TTLL1: variants seen among roughly 807,000 people sequenced by gnomAD.
The protein encoded by TTLL1 is polyglutamylase complex subunit TTLL1.
A neutral mutation model predicts 47.8 loss-of-function variants in TTLL1; 33 were observed. That is an observed-to-expected ratio of 0.69 (90% CI 0.52 to 0.92). The LOEUF is 0.92. Among genes scored for constraint, TTLL1 ranks in the 40% least tolerant of loss-of-function variants. The probability of loss-of-function intolerance (pLI) is 0.00; values close to 1 mark genes in which losing one functional copy is unlikely to be tolerated. For synonymous variants in TTLL1, 225 were observed against 214.1 expected (o/e 1.05, Z -0.45); for missense variants, 488 against 547.5 (o/e 0.89, Z 1.08).
chr22:43,044,615 T>G (rs1925956190), intron 10 of TTLL1, among the ~76,000 whole-genome samples: 1 of 152,162 alleles, frequency 6.6e-6, no homozygotes, highest in South Asian at 2.1e-4. Context: ...TCCTCCGCCT[T>G]TTACTGCCGT....
chr22:43,084,591 T>C (rs1929109524), intron 1 of TTLL1, among the ~76,000 whole-genome samples: 1 of 152,006 alleles, frequency 6.6e-6, no homozygotes, highest in South Asian at 2.1e-4. Context: ...AAGCTCTGCC[T>C]CCTGGGCTCA....
chr22:43,075,063 C>CTTAG (rs1222932449), intron 3 of TTLL1, among the ~76,000 whole-genome samples: 2 of 151,934 alleles, frequency 1.3e-5, no homozygotes, highest in Non-Finnish European at 2.9e-5. Flanking sequence ...TACTTGGGAG[C>CTTAG]CTAAGGCAGG....
intron 10 of TTLL1, among the ~76,000 whole-genome samples, chr22:43,045,979 G>A (rs745453208): frequency 9.9e-5 from 15 of 152,144 alleles, no homozygotes; most frequent in Non-Finnish European, 1.8e-4. Flanking sequence ...TCAGCACTTT[G>A]GGAGGCCGAG....
intron 8 of TTLL1, among the ~76,000 whole-genome samples, chr22:43,053,355 G>A (rs1926778254): frequency 6.6e-6 from 1 of 152,218 alleles, no homozygotes. Flanking sequence ...AGAAAGGGAG[G>A]CTCTTGGCTG....
intron 9 of TTLL1, among the ~76,000 whole-genome samples, chr22:43,049,545 C>G (rs1442247540): frequency 7.1e-6 from 1 of 141,344 alleles, no homozygotes; most frequent in African/African-American, 2.7e-5. Context: ...ACCAAACAAA[C>G]AAAAAACACA....
At chr22:43,052,171 T>A (rs1199393650) in intron 8 of TTLL1, 1 of 427,756 alleles carries the variant, frequency 2.3e-6, no homozygotes, top group African/African-American at 2.0e-5. Context: ...TCTGTTGGCG[T>A]GAGACTGTCA....
chr22:43,075,188 A>C (rs1313916441), intron 3 of TTLL1, among the ~76,000 whole-genome samples: 1 of 152,096 alleles, frequency 6.6e-6, no homozygotes, highest in Admixed American at 6.6e-5. Flanking sequence ...GCTATAACGC[A>C]CGCTCACTGG....
intron 1 of TTLL1, among the ~76,000 whole-genome samples, chr22:43,081,605 A>G (rs575237264): frequency 6.6e-6 from 1 of 152,132 alleles, no homozygotes; most frequent in African/African-American, 2.4e-5. Context: ...GCTGGAGTGC[A>G]GTGGCGCGAT....
At chr22:43,052,846 G>A (rs1234854555) in intron 8 of TTLL1, among the ~76,000 whole-genome samples, 1 of 151,900 alleles carries the variant, frequency 6.6e-6, no homozygotes, top group East Asian at 1.9e-4. Flanking sequence ...ATCACCTGAC[G>A]TCGGGAGTTC....
At chr22:43,065,546 T>C (rs1927674320) in intron 5 of TTLL1, among the ~76,000 whole-genome samples, 1 of 151,998 alleles carries the variant, frequency 6.6e-6, no homozygotes, top group African/African-American at 2.4e-5. Flanking sequence ...TGCCTTGGCC[T>C]CCCAAAGTGC....
chr22:43,048,401 G>A (rs751186911), intron 9 of TTLL1, among the ~76,000 whole-genome samples: 3 of 151,512 alleles, frequency 2.0e-5, no homozygotes, highest in Admixed American at 6.6e-5. Flanking sequence ...TTGGGAGGCC[G>A]AGGTGGAGGG....
intron 1 of TTLL1, among the ~76,000 whole-genome samples, chr22:43,086,446 A>G (rs1929234286): frequency 6.6e-6 from 1 of 152,052 alleles, no homozygotes; most frequent in South Asian, 2.1e-4. Context: ...GCTCAAAGAG[A>G]AGGTTTCCCA....
chr22:43,048,337 A>C (rs573723351), intron 9 of TTLL1, among the ~76,000 whole-genome samples: 172 of 151,684 alleles, frequency 1.1e-3, no homozygotes, highest in Non-Finnish European at 2.0e-3. Flanking sequence ...AAAGAAAAAA[A>C]AAAAGAATTG....
At chr22:43,045,522 C>T (rs1926054508) in intron 10 of TTLL1, among the ~76,000 whole-genome samples, 1 of 135,520 alleles carries the variant, frequency 7.4e-6, no homozygotes, top group South Asian at 2.3e-4. Flanking sequence ...TGTTTGCCAG[C>T]CTGGTCTCGA....
intron 4 of TTLL1, among the ~76,000 whole-genome samples, 200 bp from the exon 5 acceptor site, chr22:43,068,790 C>T (rs141160115): frequency 9.3e-4 from 141 of 152,176 alleles, no homozygotes; most frequent in African/African-American, 3.2e-3. Flanking sequence ...ACCTAAGCAC[C>T]TTACAAACCT....
chr22:43,087,391 G>T (rs928113687), intron 1 of TTLL1, among the ~76,000 whole-genome samples: 1 of 151,700 alleles, frequency 6.6e-6, no homozygotes, highest in South Asian at 2.1e-4. Flanking sequence ...GCGCGTGGTG[G>T]TGCACATCTG....
At chr22:43,086,849 C>G (rs1248323527) in intron 1 of TTLL1, among the ~76,000 whole-genome samples, 1 of 152,160 alleles carries the variant, frequency 6.6e-6, no homozygotes, top group African/African-American at 2.4e-5. Context: ...AGCAGCGGAC[C>G]AATGTGTGAC....
At position 43,039,876 on chromosome 22, in the gene TTLL1, C is replaced by G; in HGVS notation, c.1172G>C (p.Gly391Ala). 6.2e-7 allele frequency: 1 copy of G among 1,613,852 alleles called. No homozygotes were observed. Among genetic ancestry groups the G allele is most frequent in the Non-Finnish European group, 8.5e-7 (1 of 1,180,002 alleles). The change falls in exon 11 of 11, where the codon GGG (glycine) becomes GCG (alanine). Residue 391 changes from glycine (G) to alanine (A), a missense_variant. Transcript: ENST00000266254. ...ACGGCTTCTCAGCTCCCGGTCAGCCCCGTCACCCTGGGCCAATTCTTCATC... is the reference window on the plus strand; with the variant it reads ...ACGGCTTCTCAGCTCCCGGTCAGCCGCGTCACCCTGGGCCAATTCTTCATC... ...LYDEELAQGD[G>A]ADRELRSRQG...
intron 1 of TTLL1, among the ~76,000 whole-genome samples, chr22:43,088,503 A>ATT (rs11310162): frequency 1.2e-4 from 17 of 144,204 alleles, no homozygotes; most frequent in African/African-American, 4.3e-4. Context: ...TGCCCGGCTA[A>ATT]TTTTTTTTTT....
Sources: gnomAD v4.1 joint callset for allele counts (sites outside exome capture counted in the v4.1 genomes callset) on GRCh38, gnomAD v4.1.1 for gene constraint, MANE v1.5 for transcripts, NCBI Gene and HGNC (gene_info 2026-07-23, HGNC 2026-07-21) for gene names.